The following FANCD2 variants were observed in gnomAD, a reference collection of about 807,000 sequenced individuals.
FANCD2 encodes the protein FA complementation group D2.
Under a neutral mutation model 192.3 loss-of-function variants are expected in FANCD2, and 131 were observed. The observed-to-expected ratio is 0.68, with a 90% CI of 0.59 to 0.79. The LOEUF is 0.79. FANCD2 is among the 30% of genes least tolerant of loss of function. The pLI is 0.00. For missense variants in FANCD2, 1,508 were observed against 1,701.6 expected (o/e 0.89, Z 2.00); for synonymous variants, 524 against 612.5 (o/e 0.86, Z 2.13).
At chr3:10,031,632 T>A (rs2086605864) in intron 2 of FANCD2, among the ~76,000 whole-genome samples, 3 of 152,210 alleles carry the variant, frequency 2.0e-5, no homozygotes, top group Non-Finnish European at 4.4e-5. Flanking sequence ...TATTTCTTTT[T>A]ATGGGTTGAA....
At chr3:10,052,357 G>C (rs1369318312) in intron 17 of FANCD2, 30 bp from the exon 18 acceptor site, 1 of 1,328,386 alleles carries the variant, frequency 7.5e-7, no homozygotes, top group Non-Finnish European at 1.1e-6. Context: ...TTAGCTGCTA[G>C]CCTCATTGTT....
intron 29 of FANCD2, among the ~76,000 whole-genome samples, chr3:10,077,725 A>C (rs1452677253): frequency 6.6e-6 from 1 of 151,908 alleles, no homozygotes; most frequent in Non-Finnish European, 1.5e-5. Context: ...CCGTCTGTAT[A>C]AAAAAATTTA....
intron 36 of FANCD2, 52 bp from the exon 37 acceptor site, chr3:10,090,240 G>A: frequency 7.4e-7 from 1 of 1,360,230 alleles, no homozygotes; most frequent in Non-Finnish European, 1.1e-6. Flanking sequence ...TTCCCAGGTA[G>A]TTCTAAGCAG....
chr3:10,032,966 C>A lies in FANCD2; in HGVS notation c.199C>A (p.Gln67Lys). ...TCTTAAAACGGGAGAGAGTCAGAAT[C>A]AACTAGGTAATATTTTAATCTAATT... ...IILKTGESQNQLAVDQIAFQK... is the reference protein window; with the variant it reads ...IILKTGESQNKLAVDQIAFQK... The change falls in exon 3 of 44, where the codon CAA becomes AAA. Residue 67 changes from glutamine (Q) to lysine (K), a missense_variant. By Grantham distance (53) the Gln-to-Lys change is moderately conservative. Coordinates refer to ENST00000675286, the MANE Select transcript of FANCD2 (RefSeq NM_001018115.3). The A allele has an allele frequency of 6.4e-7, 1 of 1,572,068 alleles. No homozygotes were observed. The highest frequency in any genetic ancestry group is 1.1e-5 in the South Asian group (1 of 89,986).
intron 18 of FANCD2, among the ~76,000 whole-genome samples, chr3:10,057,046 A>T (rs754800158): frequency 5.9e-5 from 9 of 151,952 alleles, no homozygotes; most frequent in Admixed American, 3.3e-4. Flanking sequence ...GGTAGACATT[A>T]TGTTTTGTCA....
intron 10 of FANCD2, 132 bp downstream of exon 10, chr3:10,041,842 CTTTTTT>C: frequency 1.8e-6 from 1 of 545,160 alleles, no homozygotes; most frequent in Non-Finnish European, 3.3e-6. Context: ...TGATATCTCT[CTTTTTT>C]TTTTTTTTTC....
intron 16 of FANCD2, among the ~76,000 whole-genome samples, chr3:10,049,138 A>G (rs1327691791): frequency 6.6e-6 from 1 of 151,910 alleles, no homozygotes; most frequent in Non-Finnish European, 1.5e-5. Context: ...AGGAGGGCTT[A>G]GGTAGAGCTC....
chr3:10,079,837 A>G (rs1693735787), intron 30 of FANCD2, among the ~76,000 whole-genome samples: 1 of 152,190 alleles, frequency 6.6e-6, no homozygotes, highest in African/African-American at 2.4e-5. Flanking sequence ...ACAAAATGAG[A>G]AAATCTTGGG....
At chr3:10,045,309 C>T (rs1452061524) in intron 14 of FANCD2, among the ~76,000 whole-genome samples, 1 of 152,014 alleles carries the variant, frequency 6.6e-6, no homozygotes, top group Non-Finnish European at 1.5e-5. Flanking sequence ...GCTGGGACTA[C>T]AGGCACCTGC....
intron 3 of FANCD2, 141 bp from the exon 4 acceptor site, chr3:10,034,324 CAAAA>C (rs879221957): frequency 2.1e-3 from 876 of 414,988 alleles, no homozygotes; most frequent in Middle Eastern, 4.0e-3. Context: ...AACTCCATCT[CAAAA>C]AAAAAAAAAA....
At chr3:10,071,735 T>C (rs1400222058) in intron 26 of FANCD2, among the ~76,000 whole-genome samples, 1 of 152,184 alleles carries the variant, frequency 6.6e-6, no homozygotes, top group Non-Finnish European at 1.5e-5. Context: ...TTCAAAAATA[T>C]AATTAGATAG....
intron 14 of FANCD2, among the ~76,000 whole-genome samples, chr3:10,044,602 G>A (rs113134644): frequency 0.23 from 33,945 of 150,398 alleles, 4,925 homozygotes; most frequent in African/African-American, 0.41. Context: ...ATAAAAAGCC[G>A]GATGATTGAG....
At chr3:10,090,980 T>G (rs2125083147) in intron 37 of FANCD2, among the ~76,000 whole-genome samples, 1 of 152,178 alleles carries the variant, frequency 6.6e-6, no homozygotes, top group African/African-American at 2.4e-5. Flanking sequence ...CTGTTTGAGA[T>G]ACTGTGGATC....
chr3:10,062,003 A>T, intron 19 of FANCD2, 148 bp from the exon 20 acceptor site: 1 of 543,828 alleles, frequency 1.8e-6, no homozygotes, highest in Non-Finnish European at 3.4e-6. Flanking sequence ...TAGCATTAGG[A>T]GATATACTTA....
chr3:10,054,040 A>G (rs530257215), intron 18 of FANCD2, among the ~76,000 whole-genome samples: 12 of 152,008 alleles, frequency 7.9e-5, no homozygotes, highest in African/African-American at 2.9e-4. Context: ...GTGAAACCCC[A>G]TCTCTACAAA....
At chr3:10,057,402 G>A (rs2087444849) in intron 18 of FANCD2, among the ~76,000 whole-genome samples, 1 of 144,722 alleles carries the variant, frequency 6.9e-6, no homozygotes, top group Non-Finnish European at 1.5e-5. Context: ...GTCTCACTCT[G>A]TCACTAGGCT....
Position 10,041,654 on chromosome 3 carries a change from G to A in FANCD2, c.727G>A (p.Val243Ile), listed in dbSNP as rs2086866743. The A allele has an allele frequency of 1.2e-6, 2 of 1,613,714 alleles. No homozygotes were observed. The highest frequency in any genetic ancestry group is 1.7e-6 in the Non-Finnish European group (2 of 1,179,790). ...DLLIENTSLTVPILDVLSSLR... is the reference protein window; with the variant it reads ...DLLIENTSLTIPILDVLSSLR... ...ACTGATAGAGAATACTTCACTCACTGTCCCAATCCTGGATGTCCTTTCAAG... is the reference window on the plus strand; with the variant it reads ...ACTGATAGAGAATACTTCACTCACTATCCCAATCCTGGATGTCCTTTCAAG... The change falls in exon 10 of 44, where the codon GTC becomes ATC. Residue 243 changes from valine (V) to isoleucine (I), a missense_variant. Val to Ile is a conservative substitution (Grantham distance 29, BLOSUM62 3). This residue lies in a region of FANCD2 where 435 missense variants were observed against 421.9 expected (regional missense o/e 1.03). Coordinates refer to ENST00000675286, the MANE Select transcript of FANCD2 (RefSeq NM_001018115.3).
chr3:10,095,629 A>T (rs1254088900), intron 41 of FANCD2, among the ~76,000 whole-genome samples: 1 of 152,236 alleles, frequency 6.6e-6, no homozygotes, highest in Non-Finnish European at 1.5e-5. Context: ...TAAAGCAGCC[A>T]TCTGTAGAGG....
Position 10,067,210 on chromosome 3 carries a change from T to C in FANCD2, c.2387T>C (p.Ile796Thr). Residue 796 changes from isoleucine (I) to threonine (T), a missense_variant and splice_region_variant, in exon 26 of 44, where the codon ATT (isoleucine) becomes ACT (threonine). Around this residue, in one of 5 missense-constraint regions of FANCD2, gnomAD observed 796 missense variants for 879.4 expected, o/e 0.91. Transcript: ENST00000675286. ...GAGAATGTAATTTGTACTTTGCAGA[T>C]TGTAAATGCCTTCTGCCAGGAAACA... ...IFLTLNWFRE[I>T]VNAFCQETSP... 6.3e-7 allele frequency: 1 copy of C among 1,597,284 alleles called. No homozygotes were observed. The highest frequency in any genetic ancestry group is 1.1e-5 in the South Asian group (1 of 90,590).
Sources: gnomAD v4.1 joint callset for allele counts (sites outside exome capture counted in the v4.1 genomes callset) on GRCh38, gnomAD v4.1.1 for gene constraint, gnomAD v4.1.1 regional missense constraint, MANE v1.5 for transcripts, NCBI Gene and HGNC (gene_info 2026-07-23, HGNC 2026-07-21) for gene names.